Variants in TNRC6C observed in about 807,000 individuals in gnomAD.
TNRC6C encodes trinucleotide repeat-containing gene 6C protein.
In TNRC6C, 20 loss-of-function variants were observed where a neutral mutation model predicts 153.7. That is an observed-to-expected ratio of 0.13 (90% CI 0.09 to 0.19). TNRC6C has a LOEUF of 0.19. TNRC6C is among the 10% of genes least tolerant of loss of function. The pLI is 1.00. For missense variants in TNRC6C, 1,987 were observed against 2,172.0 expected, an observed-to-expected ratio of 0.91 and a Z score of 1.69; for synonymous variants, 811 against 841.4, an observed-to-expected ratio of 0.96 and a Z score of 0.63.
chr17:77,993,322 A>T (rs1234822313), intron 1 of TNRC6C, among the ~76,000 whole-genome samples: 1 of 152,212 alleles, frequency 6.6e-6, no homozygotes, highest in Non-Finnish European at 1.5e-5. Context: ...TTAGCAGTAC[A>T]TTGACTTTAT....
At chr17:78,084,621 C>CTTTTTCT (rs2073245203) in intron 11 of TNRC6C, among the ~76,000 whole-genome samples, 3 of 134,196 alleles carry the variant, frequency 2.2e-5, no homozygotes, top group South Asian at 2.4e-4. Flanking sequence ...TTTTCTTTTT[C>CTTTTTCT]TTTTTTTTTT....
intron 1 of TNRC6C, among the ~76,000 whole-genome samples, chr17:77,997,845 G>A (rs978274186): frequency 1.5e-4 from 22 of 151,622 alleles, no homozygotes; most frequent in Admixed American, 1.3e-3. Flanking sequence ...TAGTAGAGAC[G>A]GGGTTTCACC....
At position 78,108,276 on chromosome 17, in the gene TNRC6C, G is replaced by A. The variant is rs533230309; in HGVS notation, c.*3431G>A. 2.1e-4 allele frequency: 32 copies of A among 154,576 alleles called. No individual in the cohort carries two copies. In the Middle Eastern group the frequency reaches 2.1e-3, roughly 10 times the overall value. The allele number at this position is 154,576 out of a possible 1,614,324, so 9.6% of individuals were successfully genotyped here. On this transcript the variant is annotated 3_prime_UTR_variant, in exon 20 of 20. Coordinates refer to ENST00000301624, the Ensembl canonical transcript of TNRC6C. ...GCCCCCCCCCACCCATGGGGAAGGT[G>A]GTGTGCTGCTGGCTCTGACCATACT...
chr17:78,043,231 G>A (rs904188852), intron 2 of TNRC6C, among the ~76,000 whole-genome samples: 1 of 152,202 alleles, frequency 6.6e-6, no homozygotes, highest in African/African-American at 2.4e-5. Flanking sequence ...GGGCTGGGCT[G>A]GGCACACTCC....
intron 1 of TNRC6C, among the ~76,000 whole-genome samples, chr17:78,023,422 C>T (rs911091961): frequency 6.6e-6 from 1 of 152,230 alleles, no homozygotes; most frequent in Non-Finnish European, 1.5e-5. Context: ...TGCTCCTCCT[C>T]CTCCTCCTCT....
At chr17:78,050,919 G>C in exon 3 of TNRC6C, 1 of 1,613,978 alleles carries the variant, frequency 6.2e-7, no homozygotes, top group Non-Finnish European at 8.5e-7. Context: ...GATCTGGATG[G>C]GATGCTGACA....
chr17:77,974,755 CTA>C (rs1296052012), intron 1 of TNRC6C, among the ~76,000 whole-genome samples: 2 of 152,198 alleles, frequency 1.3e-5, no homozygotes, highest in Non-Finnish European at 2.9e-5. Context: ...TGTTTCTCTG[CTA>C]TGTTTCCAAG....
chr17:78,037,275 C>T (rs980817683), intron 2 of TNRC6C, among the ~76,000 whole-genome samples: 15 of 152,182 alleles, frequency 9.9e-5, no homozygotes, highest in East Asian at 7.7e-4. Flanking sequence ...CCTTTCAGAA[C>T]GGTGGTTTTG....
intron 1 of TNRC6C, among the ~76,000 whole-genome samples, chr17:78,017,697 G>A (rs894250020): frequency 6.6e-6 from 1 of 152,216 alleles, no homozygotes; most frequent in Non-Finnish European, 1.5e-5. Flanking sequence ...TAGGTCAAGT[G>A]ATACAATCCA....
Position 78,079,600 on chromosome 17 carries a change from G to A in TNRC6C, c.3357+59G>A, listed in dbSNP as rs2073143612. 1.9e-6 allele frequency: 3 copies of A among 1,575,848 alleles called. No homozygotes were observed. The highest frequency in any genetic ancestry group is 2.6e-6 in the Non-Finnish European group (3 of 1,153,942). On this transcript the variant is annotated intron_variant, in intron 10 of 19. Coordinates refer to ENST00000301624, the Ensembl canonical transcript of TNRC6C. The surrounding 1 kb of genome is among the most constrained non-coding windows in gnomAD (Gnocchi z 4.3). ...GGATATAGATGCCAGTGTTTCGTGG[G>A]GTCCTGTGTTATCTGGAAGTCACTA... is the stretch of plus-strand genomic sequence containing the variant.
At chr17:78,009,916 C>T (rs1419686720) in intron 1 of TNRC6C, among the ~76,000 whole-genome samples, 2 of 150,720 alleles carry the variant, frequency 1.3e-5, no homozygotes, top group African/African-American at 4.9e-5. Context: ...GAGGGTCTAA[C>T]TCTGTTGCCC....
At chr17:78,062,244 G>A (rs2144163248) in intron 3 of TNRC6C, among the ~76,000 whole-genome samples, 1 of 152,234 alleles carries the variant, frequency 6.6e-6, no homozygotes, top group South Asian at 2.1e-4. Flanking sequence ...CCTGTTATTG[G>A]TAACTATTTG....
intron 16 of TNRC6C, 102 bp downstream of exon 18, chr17:78,093,865 G>C: frequency 6.9e-7 from 1 of 1,445,458 alleles, no homozygotes; most frequent in Non-Finnish European, 9.3e-7. Flanking sequence ...GATGATACAA[G>C]GCACAGTTGG....
intron 1 of TNRC6C, among the ~76,000 whole-genome samples, chr17:78,010,327 C>T (rs1255965111): frequency 6.6e-6 from 1 of 152,074 alleles, no homozygotes; most frequent in Non-Finnish European, 1.5e-5. Flanking sequence ...CAGTTGAAGC[C>T]ATAGTCTTCC....
At chr17:78,063,102 C>T (rs1019007744) in intron 3 of TNRC6C, among the ~76,000 whole-genome samples, 6 of 151,646 alleles carry the variant, frequency 4.0e-5, no homozygotes, top group South Asian at 2.1e-4. Context: ...AAAAATTAGC[C>T]GAGCATGTTG....
At chr17:78,010,404 T>G (rs557961360) in intron 1 of TNRC6C, among the ~76,000 whole-genome samples, 16 of 152,312 alleles carry the variant, frequency 1.1e-4, no homozygotes, top group African/African-American at 3.6e-4. Context: ...TTAGGCTCAT[T>G]CTAAACATAT....
At chr17:78,068,625 C>G (rs188814325) in intron 5 of TNRC6C, among the ~76,000 whole-genome samples, 1 of 152,258 alleles carries the variant, frequency 6.6e-6, no homozygotes, top group Non-Finnish European at 1.5e-5. Flanking sequence ...GAAACCCCAT[C>G]TCTACTAAAA....
At position 77,992,588 on chromosome 17, in the gene TNRC6C, C is replaced by G. The variant is rs2071268594; in HGVS notation, c.-37-11582C>G. Among the ~76,000 whole-genome samples, 4 of 151,866 alleles carry G rather than the reference C, an allele frequency of 2.6e-5. No individual in the cohort carries two copies. In the South Asian group the frequency reaches 8.3e-4, roughly 32 times the overall value. On this transcript the variant is annotated intron_variant, in intron 1 of 22. Coordinates refer to the TNRC6C transcript ENST00000636222. ...CCTTGGCCCCCCAGATAATTGCTGA[C>G]TTTTTGCAAATTCCTTGAGTTTTCC... is the stretch of plus-strand genomic sequence containing the variant.
upstream of TNRC6C, chr17:78,005,019 A>T: frequency 3.4e-6 from 4 of 1,185,560 alleles, no homozygotes; most frequent in Non-Finnish European, 4.2e-6. Context: ...ATTCCTAAAG[A>T]GTTTCTTTCT....
Sources: allele counts gnomAD v4.1 joint callset (sites outside exome capture counted in the v4.1 genomes callset), GRCh38; gene constraint gnomAD v4.1.1; non-coding constraint Gnocchi (gnomAD v3.1); transcripts MANE v1.5; gene names NCBI Gene and HGNC (gene_info 2026-07-23, HGNC 2026-07-21).